ZC3H12D: variants seen among roughly 807,000 people sequenced by gnomAD.
ZC3H12D encodes the protein probable ribonuclease ZC3H12D.
In ZC3H12D, 11 loss-of-function variants were observed where a neutral mutation model predicts 24.2. The observed-to-expected ratio is 0.46, with a 90% confidence interval of 0.29 to 0.75. The LOEUF (loss-of-function observed/expected upper bound fraction) is 0.75. Ranked by LOEUF, ZC3H12D falls within the 30% of genes least tolerant of loss-of-function variation. The probability of loss-of-function intolerance (pLI) is 0.11; values close to 1 mark genes in which losing one functional copy is unlikely to be tolerated. For synonymous variants in ZC3H12D, 333 were observed against 341.8 expected, an observed-to-expected ratio of 0.97 and a Z score of 0.28; for missense variants, 740 against 767.7, an observed-to-expected ratio of 0.96 and a Z score of 0.43.
chr6:149,481,661 C>T (rs74677732), intron 1 of ZC3H12D, among the ~76,000 whole-genome samples: 7,150 of 149,716 alleles, frequency 0.048, 468 homozygotes, highest in East Asian at 0.27. Context: ...AGACGTGAGC[C>T]ATGCTCCCGG....
At position 149,456,629 on chromosome 6, in the gene ZC3H12D, C is replaced by T; in HGVS notation, c.680+37G>A. ...GCCTCGACCCCGGCCCCCCGCCCCG[C>T]CGCCCCCCAGGGTGTCAGGACCCCA... On this transcript the variant is annotated intron_variant, in intron 4 of 5. Coordinates refer to ENST00000409806, the MANE Select transcript of ZC3H12D (RefSeq NM_207360.3). The surrounding 1 kb of genome is among the most constrained non-coding windows in gnomAD (Gnocchi z 4.3). 2 of 1,420,744 alleles carry T rather than the reference C, an allele frequency of 1.4e-6. No homozygotes were observed. The highest frequency in any genetic ancestry group is 2.0e-6 in the Non-Finnish European group (2 of 1,012,114). 88.0% of individuals were successfully genotyped at this position (1,420,744 alleles called of 1,614,324 possible). A position where few individuals can be genotyped will look rare whatever the true frequency, so the allele number is the denominator to read the frequency against.
intron 4 of ZC3H12D, among the ~76,000 whole-genome samples, chr6:149,455,981 C>T (rs1205869643): frequency 4.7e-5 from 7 of 148,898 alleles, no homozygotes; most frequent in Admixed American, 1.3e-4. Context: ...CAGCCAGGCA[C>T]GGTGGCTCAA....
rs188529647 is a variant in ZC3H12D at position 149,449,060 on chromosome 6, T to C, written c.*1623A>G. 5.6e-4 allele frequency: 85 copies of C among 152,374 alleles called. No individual in the cohort carries two copies. The highest frequency in any genetic ancestry group is 1.9e-3 in the African/African-American group (81 of 41,586). The allele number at this position is 152,374 out of a possible 1,614,324, so 9.4% of individuals were successfully genotyped here. ...CATGGTAACCAGAATGGGTGGATGC[T>C]GCCAGGAGAGGCCAGGGCCCCTGAG... On this transcript the variant is annotated 3_prime_UTR_variant, in exon 6 of 6. Coordinates refer to ENST00000409806, the MANE Select transcript of ZC3H12D (RefSeq NM_207360.3).
chr6:149,473,364 G>C (rs1274387934), intron 2 of ZC3H12D, among the ~76,000 whole-genome samples: 1 of 152,204 alleles, frequency 6.6e-6, no homozygotes, highest in Non-Finnish European at 1.5e-5. Context: ...TTTTGAAAAG[G>C]GAAGCACATA....
chr6:149,465,943 C>A (rs1776154750), intron 2 of ZC3H12D, among the ~76,000 whole-genome samples: 1 of 151,716 alleles, frequency 6.6e-6, no homozygotes, highest in African/African-American at 2.4e-5. Context: ...AGAGGCTGAA[C>A]CTTTGTTTTT....
chr6:149,466,412 C>T (rs186132416), intron 2 of ZC3H12D, among the ~76,000 whole-genome samples: 261 of 152,036 alleles, frequency 1.7e-3, no homozygotes, highest in Non-Finnish European at 1.9e-3. Flanking sequence ...GGGAAGATAT[C>T]GTGCCTGTCA....
At chr6:149,470,035 G>A (rs1313397270) in intron 2 of ZC3H12D, among the ~76,000 whole-genome samples, 2 of 152,152 alleles carry the variant, frequency 1.3e-5, no homozygotes, top group African/African-American at 4.8e-5. Context: ...TACTCTCTCT[G>A]AACCTCTAAA....
Position 149,452,677 on chromosome 6 carries a change from C to T in ZC3H12D, c.726G>A (p.Leu242=). The change falls in exon 5 of 6, where the codon CTG becomes CTA. Residue 242 remains leucine (L), a synonymous_variant. Coordinates refer to ENST00000409806, the MANE Select transcript of ZC3H12D (RefSeq NM_207360.3). This position sits in a 1 kb window ranked among gnomAD's most constrained non-coding sequence, Gnocchi z 4.0. ...DDPLGRHGPS[L]SNFLSRKPKP... Reference sequence around the variant, plus strand: ...TCGGCTTCCTGCTCAGGAAGTTGCTCAGGGAGGGTCCATGGCGGCCCAGGG... The same window carrying T: ...TCGGCTTCCTGCTCAGGAAGTTGCTTAGGGAGGGTCCATGGCGGCCCAGGG... 3.1e-6 allele frequency: 5 copies of T among 1,608,762 alleles called. No homozygotes were observed. The highest frequency in any genetic ancestry group is 4.2e-6 in the Non-Finnish European group (5 of 1,178,110).
chr6:149,469,100 A>G (rs955555811), intron 2 of ZC3H12D, among the ~76,000 whole-genome samples: 2 of 152,210 alleles, frequency 1.3e-5, no homozygotes, highest in African/African-American at 2.4e-5. Flanking sequence ...CGCCTTTTCT[A>G]GATTTGCCTA....
intron 2 of ZC3H12D, among the ~76,000 whole-genome samples, chr6:149,473,223 C>CT (rs1417192419): frequency 1.3e-5 from 2 of 152,056 alleles, no homozygotes; most frequent in African/African-American, 4.8e-5. Context: ...CATTGCAAAC[C>CT]TCGGTCCTGC....
intron 1 of ZC3H12D, among the ~76,000 whole-genome samples, chr6:149,478,817 A>G (rs1485356148): frequency 6.6e-6 from 1 of 151,150 alleles, no homozygotes; most frequent in East Asian, 1.9e-4. Context: ...TCTTCACCCC[A>G]TACCTGATGA....
chr6:149,450,651 T>C lies in ZC3H12D; in HGVS notation c.*32A>G, dbSNP rs771267621. The C allele has an allele frequency of 2.7e-6, 4 of 1,481,484 alleles. No homozygotes were observed. Among genetic ancestry groups the C allele is most frequent in the Non-Finnish European group, 3.6e-6 (4 of 1,112,552 alleles). 91.8% of individuals were successfully genotyped at this position (1,481,484 alleles called of 1,614,324 possible). On this transcript the variant is annotated 3_prime_UTR_variant, in exon 6 of 6. Coordinates refer to ENST00000409806, the MANE Select transcript of ZC3H12D (RefSeq NM_207360.3). The stretch of plus-strand genomic sequence containing the variant: ...ACCCGTCCAAGACGCAAGGCGAGGC[T>C]GGGCCATTCCCTGCAAGTGCGTGTT...
At chr6:149,470,409 C>A (rs1045086444) in intron 2 of ZC3H12D, among the ~76,000 whole-genome samples, 1 of 151,900 alleles carries the variant, frequency 6.6e-6, no homozygotes, top group Non-Finnish European at 1.5e-5. Context: ...GTGGCAGGCA[C>A]CCGTAATCCC....
chr6:149,469,898 C>T (rs560815349), intron 2 of ZC3H12D, among the ~76,000 whole-genome samples: 146 of 152,280 alleles, frequency 9.6e-4, no homozygotes, highest in South Asian at 1.7e-3. Context: ...GTCTCCTACC[C>T]TGTGGTCCTT....
At chr6:149,461,204 G>T (rs1217707638) in intron 3 of ZC3H12D, among the ~76,000 whole-genome samples, 1 of 151,962 alleles carries the variant, frequency 6.6e-6, no homozygotes, top group African/African-American at 2.4e-5. Flanking sequence ...AGTTGGGTGT[G>T]GTGGCACATG....
chr6:149,451,453 A>G lies in ZC3H12D; in HGVS notation c.814T>C (p.Cys272Arg), dbSNP rs767592789. 2.5e-6 allele frequency: 4 copies of G among 1,574,878 alleles called. No homozygotes were observed. In the East Asian group the frequency reaches 9.6e-5, roughly 38 times the overall value. ...YGKKCTYGIK[C>R]KFYHPERPHH... ...GGCCTCTCCGGGTGGTAGAACTTGC[A>G]CTTGATGCCATAGGTGCATTTCTTG... The change falls in exon 6 of 6, where the codon TGC (cysteine) becomes CGC (arginine). Residue 272 changes from cysteine (C) to arginine (R), a missense_variant. By Grantham distance (180) the Cys-to-Arg change is radical. Transcript: ENST00000409806.
At chr6:149,464,515 C>A (rs1251652010) in intron 2 of ZC3H12D, among the ~76,000 whole-genome samples, 1 of 152,188 alleles carries the variant, frequency 6.6e-6, no homozygotes, top group Non-Finnish European at 1.5e-5. Context: ...TAGACTCCTG[C>A]AGATCCCTCT....
At chr6:149,475,431 G>T (rs1290250282) in intron 1 of ZC3H12D, among the ~76,000 whole-genome samples, 1 of 152,210 alleles carries the variant, frequency 6.6e-6, no homozygotes, top group African/African-American at 2.4e-5. Flanking sequence ...AGAAGGGCCT[G>T]CCCCGGCTGG....
intron 2 of ZC3H12D, among the ~76,000 whole-genome samples, chr6:149,467,404 T>C (rs1288173679): frequency 6.6e-6 from 1 of 152,112 alleles, no homozygotes; most frequent in East Asian, 1.9e-4. Context: ...AGGTATGCAC[T>C]GCCACACCTG....
Sources: gnomAD v4.1 joint callset for allele counts (sites outside exome capture counted in the v4.1 genomes callset) on GRCh38, gnomAD v4.1.1 for gene constraint, Gnocchi (gnomAD v3.1) non-coding constraint, MANE v1.5 for transcripts, NCBI Gene and HGNC (gene_info 2026-07-23, HGNC 2026-07-21) for gene names.